The following FHIT variants were observed in gnomAD, a reference collection of about 807,000 sequenced individuals.
FHIT encodes the protein fragile histidine triad diadenosine triphosphatase, also known as bis(5'-adenosyl)-triphosphatase.
Under a neutral mutation model 17.9 loss-of-function variants are expected in FHIT, and 19 were observed. The ratio of observed to expected loss-of-function variants is 1.06; its 90% CI spans 0.74 to 1.56. FHIT has a LOEUF of 1.56. FHIT is among the 40% of genes most tolerant of loss of function. FHIT has a pLI of 0.00. For synonymous variants in FHIT, 81 were observed against 69.7 expected (o/e 1.16, Z -0.81); for missense variants, 248 against 189.2 (o/e 1.31, Z -1.82).
intron 5 of FHIT, among the ~76,000 whole-genome samples, chr3:60,392,973 T>C (rs1701290088): frequency 6.6e-6 from 1 of 152,158 alleles, no homozygotes; most frequent in Non-Finnish European, 1.5e-5. Flanking sequence ...GGAAGCTTCA[T>C]CAGAAAGCAC....
intron 5 of FHIT, among the ~76,000 whole-genome samples, chr3:60,207,937 T>C (rs1470374388): frequency 6.6e-6 from 1 of 152,198 alleles, no homozygotes; most frequent in Non-Finnish European, 1.5e-5. Flanking sequence ...GATTAAATTT[T>C]ACAGCTCAGG....
intron 3 of FHIT, among the ~76,000 whole-genome samples, chr3:60,914,229 G>T (rs1706886893): frequency 6.6e-6 from 1 of 152,088 alleles, no homozygotes; most frequent in Admixed American, 6.5e-5. Context: ...TTTAAGACAT[G>T]ATATCTCCCA....
chr3:61,221,103 GCTTGGCTC>G (rs67130748), intron 1 of FHIT, among the ~76,000 whole-genome samples: 65,071 of 151,898 alleles, frequency 0.43, 14,293 homozygotes, highest in East Asian at 0.57. Context: ...ATCTCAGGGA[GCTTGGCTC>G]CCTGACCCTG....
intron 4 of FHIT, among the ~76,000 whole-genome samples, chr3:60,650,712 G>C (rs1436510452): frequency 6.6e-6 from 1 of 152,178 alleles, no homozygotes; most frequent in Non-Finnish European, 1.5e-5. Context: ...AAGGGAAAAA[G>C]TTCAGGGGAA....
chr3:60,869,460 G>T (rs1215390383), intron 3 of FHIT, among the ~76,000 whole-genome samples: 1 of 152,090 alleles, frequency 6.6e-6, no homozygotes. Flanking sequence ...AATTCTCATA[G>T]GGAAATATGG....
intron 8 of FHIT, among the ~76,000 whole-genome samples, chr3:59,859,050 C>T (rs652105): frequency 0.55 from 83,253 of 152,014 alleles, 24,144 homozygotes; most frequent in African/African-American, 0.74. Context: ...TCATTCTACA[C>T]GGACAGGAAC....
intron 3 of FHIT, among the ~76,000 whole-genome samples, chr3:60,999,960 G>A: frequency 6.6e-6 from 1 of 152,178 alleles, no homozygotes; most frequent in Middle Eastern, 3.4e-3. Context: ...CAAGCTCCCT[G>A]GGGCCTCTTT....
At chr3:60,825,976 A>G (rs1021962325) in intron 3 of FHIT, among the ~76,000 whole-genome samples, 15 of 152,300 alleles carry the variant, frequency 9.8e-5, no homozygotes, top group African/African-American at 3.4e-4. Flanking sequence ...TTTTATCAAT[A>G]ACTTCTTTAA....
In FHIT at chr3:60,435,974, G is replaced by A. The variant is rs578160687; in HGVS notation, c.103+100886C>T. On this transcript the variant is annotated intron_variant, in intron 5 of 9. Coordinates refer to ENST00000492590, the MANE Select transcript of FHIT (RefSeq NM_002012.4). ...GGCCTCCAGCTCCATCCTTATCCCT[G>A]CAAAGGACATGATCTTGTTCTCTTT... 2.6e-5 allele frequency among the ~76,000 whole-genome samples: 4 copies of A among 152,190 alleles called. No homozygotes were observed. The Middle Eastern group carries it at 0.01, about 388-fold the overall frequency.
At chr3:60,075,276 G>A (rs1247634864) in intron 5 of FHIT, among the ~76,000 whole-genome samples, 2 of 151,974 alleles carry the variant, frequency 1.3e-5, no homozygotes, top group African/African-American at 4.8e-5. Context: ...AAATGCTAGG[G>A]TGATGGGGTA....
intron 8 of FHIT, among the ~76,000 whole-genome samples, chr3:59,794,198 G>A (rs974124172): frequency 6.6e-5 from 10 of 152,150 alleles, no homozygotes; most frequent in Admixed American, 1.3e-4. Flanking sequence ...AGAACGTACC[G>A]TTGTCAGAAC....
intron 4 of FHIT, among the ~76,000 whole-genome samples, chr3:60,717,616 T>C (rs1324131756): frequency 6.6e-6 from 1 of 152,174 alleles, no homozygotes; most frequent in Non-Finnish European, 1.5e-5. Flanking sequence ...GAGCTTGAAG[T>C]TTGCCTTTTA....
At chr3:60,842,643 A>ATTTTTTTT (rs1390675032) in intron 3 of FHIT, among the ~76,000 whole-genome samples, 71 of 48,124 alleles carry the variant, frequency 1.5e-3, no homozygotes, top group Non-Finnish European at 2.7e-3. Flanking sequence ...ATATATATAT[A>ATTTTTTTT]TATTTTTTTT....
At chr3:59,832,798 G>T (rs762143465) in intron 8 of FHIT, among the ~76,000 whole-genome samples, 2 of 152,188 alleles carry the variant, frequency 1.3e-5, no homozygotes, top group African/African-American at 4.8e-5. Context: ...ATCTGGGGAT[G>T]CTAGGGGCTA....
intron 2 of FHIT, among the ~76,000 whole-genome samples, chr3:61,083,917 T>C (rs2035228046): frequency 6.6e-6 from 1 of 152,230 alleles, no homozygotes; most frequent in African/African-American, 2.4e-5. Context: ...GATGGTCATT[T>C]GGGTTGTTTC....
intron 5 of FHIT, among the ~76,000 whole-genome samples, chr3:60,405,364 T>C (rs538588073): frequency 2.3e-4 from 35 of 152,250 alleles, no homozygotes; most frequent in African/African-American, 7.2e-4. Context: ...CCATTCTGAG[T>C]CCATAAAAGG....
At chr3:60,429,096 C>T (rs1412061367) in intron 5 of FHIT, among the ~76,000 whole-genome samples, 2 of 151,980 alleles carry the variant, frequency 1.3e-5, no homozygotes, top group East Asian at 1.9e-4. Flanking sequence ...TAGGAAACTT[C>T]GCAGGCTATT....
chr3:60,087,411 C>T (rs150515526), intron 5 of FHIT, among the ~76,000 whole-genome samples: 1 of 152,288 alleles, frequency 6.6e-6, no homozygotes, highest in South Asian at 2.1e-4. Flanking sequence ...CATTGGATTC[C>T]TCTTCTGAAA....
chr3:61,131,059 C>T (rs1287611971), intron 2 of FHIT, among the ~76,000 whole-genome samples: 1 of 152,198 alleles, frequency 6.6e-6, no homozygotes, highest in Non-Finnish European at 1.5e-5. Context: ...TGACTCAGGA[C>T]ATAAATCTGA....
Sources: allele counts gnomAD v4.1 joint callset (sites outside exome capture counted in the v4.1 genomes callset), GRCh38; gene constraint gnomAD v4.1.1; transcripts MANE v1.5; gene names NCBI Gene and HGNC (gene_info 2026-07-23, HGNC 2026-07-21).